UPF3B: variants seen among roughly 807,000 people sequenced by gnomAD.
UPF3B encodes UPF3B regulator of nonsense mediated mRNA decay.
In UPF3B, 7 loss-of-function variants were observed where a neutral mutation model predicts 40.3. That is an observed-to-expected ratio of 0.17 (90% CI 0.10 to 0.33). The LOEUF is 0.33. Ranked by LOEUF, UPF3B falls within the 10% of genes least tolerant of loss-of-function variation. The pLI is 1.00. For missense variants in UPF3B, 229 were observed against 358.9 expected, an observed-to-expected ratio of 0.64 and a Z score of 2.93; for synonymous variants, 117 against 117.3, an observed-to-expected ratio of 1.00 and a Z score of 0.01.
At chrX:119,837,714 AG>A (rs756455227) in intron 10 of UPF3B, 42 bp downstream of exon 10, 3 of 1,190,888 alleles carry the variant, frequency 2.5e-6, no homozygotes, top group South Asian at 3.6e-5. Flanking sequence ...TTGCAGGAAA[AG>A]GGAAAAAAAC....
intron 5 of UPF3B, among the ~76,000 whole-genome samples, chrX:119,842,885 G>T (rs2056183743): frequency 1.8e-5 from 2 of 111,605 alleles, no homozygotes; most frequent in African/African-American, 6.5e-5. Flanking sequence ...TTAGGAATAT[G>T]AACTTATTAC....
chrX:119,823,361 A>G (rs1018803794), intron 3 of UPF3B, among the ~76,000 whole-genome samples: 19 of 110,737 alleles, frequency 1.7e-4, no homozygotes, highest in African/African-American at 6.2e-4. Flanking sequence ...CTACCACCTC[A>G]GCTCCCTAGT....
rs185029012 is a variant in UPF3B at position 119,852,197 on chromosome X, T to C, written c.157-324A>G. Among the ~76,000 whole-genome samples, 502 of 111,880 alleles carry C rather than the reference T, an allele frequency of 4.5e-3. 6 individuals are homozygous for C. Among genetic ancestry groups the C allele is most frequent in the African/African-American group, 0.015 (470 of 30,769 alleles). Reference sequence around the variant, plus strand: ...AACAGATCTAGTGGCAATAACTTAGTAAGCCAACGCTGGTCTTTGTGGGTG... The same window carrying C: ...AACAGATCTAGTGGCAATAACTTAGCAAGCCAACGCTGGTCTTTGTGGGTG... On this transcript the variant is annotated intron_variant, in intron 1 of 10. Coordinates refer to ENST00000276201, the MANE Select transcript of UPF3B (RefSeq NM_080632.3).
intron 3 of UPF3B, among the ~76,000 whole-genome samples, chrX:119,827,725 T>G (rs948285400): frequency 9.8e-6 from 1 of 102,418 alleles, no homozygotes; most frequent in Non-Finnish European, 1.9e-5. Flanking sequence ...CACTCTTGGG[T>G]TTTTTTTCCT....
chrX:119,823,386 G>C (rs750040279), intron 3 of UPF3B, among the ~76,000 whole-genome samples: 1 of 110,426 alleles, frequency 9.1e-6, no homozygotes, highest in African/African-American at 3.3e-5. Context: ...GGGATCGCAG[G>C]CCCGTGCTAC....
chrX:119,820,525 T>C (rs769494601), intron 4 of UPF3B, among the ~76,000 whole-genome samples: 3 of 107,783 alleles, frequency 2.8e-5, no homozygotes, highest in African/African-American at 1.0e-4. Context: ...AGGATTGAGA[T>C]CTCTGCTCAC....
intron 8 of UPF3B, 104 bp from the exon 9 acceptor site, chrX:119,838,631 C>G (rs2056129149): frequency 1.2e-6 from 1 of 816,903 alleles, no homozygotes; most frequent in Non-Finnish European, 1.8e-6. Context: ...ACAAAGCCCC[C>G]TATCTCTGCA....
intron 4 of UPF3B, among the ~76,000 whole-genome samples, chrX:119,843,940 T>A (rs1475755099): frequency 8.9e-6 from 1 of 112,582 alleles, no homozygotes; most frequent in Non-Finnish European, 1.9e-5. Flanking sequence ...TTATCCAACA[T>A]AAAGAGTTGT....
chrX:119,844,012 T>C (rs2056196928), intron 4 of UPF3B, among the ~76,000 whole-genome samples: 1 of 112,069 alleles, frequency 8.9e-6, no homozygotes, highest in South Asian at 3.7e-4. Flanking sequence ...GTACCTTAAA[T>C]GGCAATTATT....
At chrX:119,845,152 A>T in intron 4 of UPF3B, 46 bp downstream of exon 4, 1 of 1,064,277 alleles carries the variant, frequency 9.4e-7, no homozygotes, top group Non-Finnish European at 1.3e-6. Context: ...TATTATTTTT[A>T]AAAACCCCAC....
At chrX:119,816,475 T>C (rs1029995346) in intron 4 of UPF3B, among the ~76,000 whole-genome samples, 3 of 110,963 alleles carry the variant, frequency 2.7e-5, no homozygotes, top group African/African-American at 9.8e-5. Context: ...ACACAGTCAG[T>C]GATTGGTACA....
intron 10 of UPF3B, among the ~76,000 whole-genome samples, chrX:119,837,495 A>G (rs181232192): frequency 7.6e-4 from 82 of 107,257 alleles, no homozygotes; most frequent in African/African-American, 2.5e-3. Context: ...GGGCGCCTGT[A>G]GTCCCAGCTA....
downstream of UPF3B, among the ~76,000 whole-genome samples, chrX:119,831,271 G>A (rs759711867): frequency 6.3e-5 from 7 of 110,378 alleles, no homozygotes; most frequent in Non-Finnish European, 9.5e-5. Flanking sequence ...TGCCTAGACA[G>A]TCAGGACACC....
chrX:119,823,925 T>A (rs2055952342), intron 3 of UPF3B, among the ~76,000 whole-genome samples: 1 of 111,425 alleles, frequency 9.0e-6, no homozygotes, highest in African/African-American at 3.3e-5. Flanking sequence ...CCCAAAGTGC[T>A]AGGATTACAA....
chrX:119,822,355 A>G (rs2055929467), intron 4 of UPF3B, among the ~76,000 whole-genome samples: 1 of 112,719 alleles, frequency 8.9e-6, no homozygotes, highest in African/African-American at 3.2e-5. Context: ...TAGAAATTCA[A>G]TTCAGGATGA....
In UPF3B at chrX:119,845,122, C is replaced by G. The variant is rs1390622594; in HGVS notation, c.469+76G>C. The G allele has an allele frequency of 8.2e-6, 7 of 851,233 alleles. No individual in the cohort carries two copies. In the East Asian group the frequency reaches 2.2e-4, roughly 27 times the overall value. The allele number at this position is 851,233 out of a possible 1,213,427, so 70.2% of individuals were successfully genotyped here. On this transcript the variant is annotated intron_variant, in intron 4 of 10. Transcript: ENST00000276201. ...ATTTTCTAATTTAAAATTTTGGGGT[C>G]GAATTAACTCTCACAAAGATATTAT...
At chrX:119,807,038 A>G (rs2055797565) in intron 6 of UPF3B, among the ~76,000 whole-genome samples, 1 of 99,200 alleles carries the variant, frequency 1.0e-5, no homozygotes, top group African/African-American at 4.2e-5. Context: ...AAAAAAAAAA[A>G]AAAAAAAAAA....
chrX:119,836,299 G>A (rs1488167416), intron 10 of UPF3B, among the ~76,000 whole-genome samples: 1 of 111,295 alleles, frequency 9.0e-6, no homozygotes, highest in African/African-American at 3.3e-5. Context: ...AGGTTGTGGT[G>A]AGCTGAGATC....
intron 5 of UPF3B, among the ~76,000 whole-genome samples, chrX:119,809,200 C>T (rs1337436576): frequency 3.6e-5 from 4 of 110,645 alleles, no homozygotes; most frequent in Admixed American, 1.9e-4. Flanking sequence ...CTTTTAAGAC[C>T]ATCAGATCTG....
Sources: allele counts gnomAD v4.1 joint callset (sites outside exome capture counted in the v4.1 genomes callset), GRCh38; gene constraint gnomAD v4.1.1; transcripts MANE v1.5; gene names NCBI Gene and HGNC (gene_info 2026-07-23, HGNC 2026-07-21).